The following ELMO2 variants were observed in gnomAD, a reference collection of about 807,000 sequenced individuals.
ELMO2 encodes the protein engulfment and cell motility protein 2.
ELMO2 carries 37 observed loss-of-function variants against 96.2 expected under a neutral mutation model. That is an observed-to-expected ratio of 0.38 (90% CI 0.30 to 0.51). The LOEUF (loss-of-function observed/expected upper bound fraction) is 0.51. ELMO2 is among the 20% of genes least tolerant of loss of function. The pLI is 0.88. For missense variants in ELMO2, 561 were observed against 912.6 expected (o/e 0.61, Z 4.96); for synonymous variants, 315 against 329.4 (o/e 0.96, Z 0.47).
At chr20:46,386,090 G>C (rs775671372) in intron 9 of ELMO2, 34 bp downstream of exon 9, 1 of 1,601,318 alleles carries the variant, frequency 6.2e-7, no homozygotes, top group Non-Finnish European at 8.5e-7. Flanking sequence ...GGACAGACAA[G>C]TGAAGGGAGG....
At chr20:46,399,544 T>G (rs1461391633) in intron 1 of ELMO2, among the ~76,000 whole-genome samples, 1 of 152,244 alleles carries the variant, frequency 6.6e-6, no homozygotes, top group African/African-American at 2.4e-5. Context: ...CAGGGGCCTC[T>G]GTGTTCTCAC....
chr20:46,399,995 G>A (rs1377462163), intron 1 of ELMO2, among the ~76,000 whole-genome samples: 1 of 152,114 alleles, frequency 6.6e-6, no homozygotes, highest in Non-Finnish European at 1.5e-5. Context: ...AAATTAGCTG[G>A]GCATGGTGGC....
chr20:46,391,433 T>C (rs557895014), intron 6 of ELMO2, among the ~76,000 whole-genome samples: 5 of 152,210 alleles, frequency 3.3e-5, no homozygotes, highest in Non-Finnish European at 5.9e-5. Flanking sequence ...TAGCAAAATA[T>C]AGGCATTCAG....
At chr20:46,398,834 C>T (rs1261451161) in intron 1 of ELMO2, 63 bp from the exon 2 acceptor site, 1 of 152,100 alleles carries the variant, frequency 6.6e-6, no homozygotes, top group African/African-American at 2.4e-5. Context: ...TAAATCAACC[C>T]AACACATCAG....
intron 10 of ELMO2, among the ~76,000 whole-genome samples, chr20:46,380,560 G>A (rs532472477): frequency 1.3e-5 from 2 of 152,258 alleles, no homozygotes; most frequent in Non-Finnish European, 2.9e-5. Context: ...CAACTCCACT[G>A]TCTTCAAAGA....
At chr20:46,388,489 CT>C (rs1413545866) in intron 7 of ELMO2, among the ~76,000 whole-genome samples, 1 of 152,152 alleles carries the variant, frequency 6.6e-6, no homozygotes, top group Non-Finnish European at 1.5e-5. Flanking sequence ...GATGAAGATG[CT>C]TGTGGGTATC....
At chr20:46,385,307 A>G (rs1301387071) in intron 9 of ELMO2, among the ~76,000 whole-genome samples, 2 of 152,228 alleles carry the variant, frequency 1.3e-5, no homozygotes, top group African/African-American at 4.8e-5. Context: ...GACGGGAGAA[A>G]CATTGCTCCA....
intron 16 of ELMO2, chr20:46,373,134 AC>A (rs1462513612): frequency 6.7e-6 from 3 of 449,640 alleles, no homozygotes; most frequent in African/African-American, 5.9e-5. Context: ...TATCCTCCTG[AC>A]CTCTCTGGAG....
rs965461352 is a variant in ELMO2 at position 46,369,946 on chromosome 20, C to T, written c.1884+497G>A. On this transcript the variant is annotated intron_variant, in intron 20 of 21. Transcript: ENST00000290246. The stretch of plus-strand genomic sequence containing the variant: ...GACCAGTCTTAGACTCTGGTTTAGA[C>T]AAGATGGGTATGGGGGTGTGTGTGT... 2.1e-4 allele frequency: 53 copies of T among 253,802 alleles called. 2 individuals carry two copies. The highest frequency in any genetic ancestry group is 1.7e-4 in the Non-Finnish European group (23 of 135,660). The allele number at this position is 253,802 out of a possible 1,614,324, so 15.7% of individuals were successfully genotyped here.
intron 4 of ELMO2, 107 bp from the exon 5 acceptor site, chr20:46,393,708 G>T: frequency 8.3e-7 from 1 of 1,208,332 alleles, no homozygotes; most frequent in Non-Finnish European, 1.2e-6. Context: ...GGCCTATTTG[G>T]AATACAGTGG....
intron 1 of ELMO2, among the ~76,000 whole-genome samples, chr20:46,399,173 C>T (rs1452948303): frequency 6.6e-6 from 1 of 152,132 alleles, no homozygotes; most frequent in African/African-American, 2.4e-5. Flanking sequence ...TGCACCTGAC[C>T]CGCAGCAGGT....
Position 46,375,549 on chromosome 20 carries a change from T to G in ELMO2, c.930+119A>C. 4.6e-6 allele frequency: 7 copies of G among 1,529,300 alleles called. No individual in the cohort carries two copies. The East Asian group carries it at 1.6e-4, about 35-fold the overall frequency. The allele number at this position is 1,529,300 out of a possible 1,614,324, so 94.7% of individuals were successfully genotyped here. A position where few individuals can be genotyped will look rare whatever the true frequency, so the allele number is the denominator to read the frequency against. ...GCTCATGGTGCAGATCATGCTAGAT[T>G]TTCTAGGGCAGATGCAAACTACTTC... On this transcript the variant is annotated intron_variant, in intron 12 of 21. Coordinates refer to ENST00000290246, the MANE Select transcript of ELMO2 (RefSeq NM_133171.5). The surrounding 1 kb of genome is among the most constrained non-coding windows in gnomAD (Gnocchi z 4.6).
rs185032247 is a variant in ELMO2 at position 46,372,028 on chromosome 20, A to G, written c.1417-59T>C. 6.9e-6 allele frequency: 11 copies of G among 1,602,224 alleles called. No homozygotes were observed. In the South Asian group the frequency reaches 1.1e-4, roughly 16 times the overall value. On this transcript the variant is annotated intron_variant, in intron 16 of 21. Transcript: ENST00000290246. The stretch of plus-strand genomic sequence containing the variant: ...CTACTCTTGAGAAATGGACAGGCCT[A>G]TTATGGAGCACCAAGGCTCTTTCCT...
rs1004138580 is a variant in ELMO2 at position 46,376,810 on chromosome 20, T to C, written c.808-1020A>G. The C allele has an allele frequency of 1.8e-5, 23 of 1,288,596 alleles. No individual in the cohort carries two copies. The African/African-American group carries it at 3.3e-4, about 19-fold the overall frequency. 79.8% of individuals were successfully genotyped at this position (1,288,596 alleles called of 1,614,324 possible). A position where few individuals can be genotyped will look rare whatever the true frequency, so the allele number is the denominator to read the frequency against. ...CTTCAATTTCCCTACTCAGTAGCTC[T>C]GTCTCTAGGGCTGTGCTGTCCAGTA... On this transcript the variant is annotated intron_variant, in intron 11 of 21. Transcript: ENST00000290246.
At position 46,371,530 on chromosome 20, in the gene ELMO2, AT is replaced by A; in HGVS notation, c.1693+48del. The stretch of plus-strand genomic sequence containing the variant: ...GAAAGGCCTGGGCACAAAAGGGGCC[AT>A]CCAGGCAGGCTCTTCCCGGCACCAA... On this transcript the variant is annotated intron_variant, in intron 18 of 21. Coordinates refer to ENST00000290246, the MANE Select transcript of ELMO2 (RefSeq NM_133171.5). This position sits in a 1 kb window ranked among gnomAD's most constrained non-coding sequence, Gnocchi z 5.9. The A allele has an allele frequency of 6.2e-7, 1 of 1,606,250 alleles. No individual in the cohort carries two copies. The highest frequency in any genetic ancestry group is 8.5e-7 in the Non-Finnish European group (1 of 1,174,482).
chr20:46,371,816 G>T lies in ELMO2; in HGVS notation c.1570C>A (p.Pro524Thr), dbSNP rs376458042. Residue 524 changes from proline to threonine, a missense_variant, in exon 17 of 22, where the codon CCG (proline) becomes ACG (threonine). By Grantham distance (38) the Pro-to-Thr change is conservative. Coordinates refer to ENST00000290246, the MANE Select transcript of ELMO2 (RefSeq NM_133171.5). The surrounding 1 kb of genome is among the most constrained non-coding windows in gnomAD (Gnocchi z 5.9). ...ERMSQDDFQS[P>T]PIVELREKIQ... ...TGAGATGGAACTTACACAATTGGCG[G>T]GGACTGGAAGTCATCCTGACTCATC... The T allele has an allele frequency of 1.2e-6, 2 of 1,614,160 alleles. No individual in the cohort carries two copies. Among genetic ancestry groups the T allele is most frequent in the Non-Finnish European group, 1.7e-6 (2 of 1,180,018 alleles).
rs370814852 is a variant in ELMO2, at chr20:46,387,318, C to T, written c.525+20G>A. 58 of 1,608,488 alleles carry T rather than the reference C, an allele frequency of 3.6e-5. No homozygotes were observed. The Middle Eastern group carries it at 8.4e-4, about 23-fold the overall frequency. ...TGGCAGCTGAGGGAGGAGAGAAAGA[C>T]AGAATGTTGGAGGCCTCACCTGCTT... On this transcript the variant is annotated intron_variant, in intron 8 of 21. Transcript: ENST00000290246.
rs375358668 is a variant in ELMO2, at chr20:46,375,181, T to C, written c.1065+55A>G. On this transcript the variant is annotated intron_variant, in intron 13 of 21. Coordinates refer to ENST00000290246, the MANE Select transcript of ELMO2 (RefSeq NM_133171.5). This position sits in a 1 kb window ranked among gnomAD's most constrained non-coding sequence, Gnocchi z 4.6. ...TCAGAGCTCTGTCTGGGTGGGACCA[T>C]TGACTTCCCATCAGGGGAGAGGGCC... is the stretch of plus-strand genomic sequence containing the variant. 4.0e-4 allele frequency: 635 copies of C among 1,584,940 alleles called. 2 individuals are homozygous for C. In the African/African-American group the frequency reaches 7.1e-3, roughly 18 times the overall value.
rs758481726 is a variant in ELMO2, at chr20:46,375,740, T to C, written c.858A>G (p.Leu286=). The change falls in exon 12 of 22, where the codon CTA becomes CTG. Residue 286 remains leucine, a synonymous_variant. Coordinates refer to ENST00000290246, the MANE Select transcript of ELMO2 (RefSeq NM_133171.5). The surrounding 1 kb of genome is among the most constrained non-coding windows in gnomAD (Gnocchi z 4.6). The part of the protein sequence containing the change: ...RPIKTEMAHQ[L]YVLQVLTFNL... ...TAAAGGTTAGGACTTGAAGGACATA[T>C]AGCTGATGGGCCATCTCAGTTTTGA... The C allele has an allele frequency of 6.8e-6, 11 of 1,614,220 alleles. No homozygotes were observed. The highest frequency in any genetic ancestry group is 4.5e-5 in the East Asian group (2 of 44,886).
Sources: allele counts gnomAD v4.1 joint callset (sites outside exome capture counted in the v4.1 genomes callset), GRCh38; gene constraint gnomAD v4.1.1; non-coding constraint Gnocchi (gnomAD v3.1); transcripts MANE v1.5; gene names NCBI Gene and HGNC (gene_info 2026-07-23, HGNC 2026-07-21).